Variants in MYO3A observed in about 807,000 individuals in gnomAD.
The protein encoded by MYO3A is myosin IIIA.
MYO3A carries 180 observed loss-of-function variants against 192.7 expected under a neutral mutation model. The observed-to-expected ratio is 0.93, with a 90% CI of 0.83 to 1.06. MYO3A has a LOEUF of 1.06. Among genes scored for constraint, MYO3A ranks in the 50% least tolerant of loss-of-function variants. The pLI is 0.00. For missense variants in MYO3A, 1,896 were observed against 1,905.0 expected, an observed-to-expected ratio of 1.00 and a Z score of 0.09; for synonymous variants, 628 against 645.3, an observed-to-expected ratio of 0.97 and a Z score of 0.41.
chr10:26,041,351 CTGTTGTTGT>C (rs56389979), intron 10 of MYO3A, among the ~76,000 whole-genome samples: 2 of 151,508 alleles, frequency 1.3e-5, no homozygotes, highest in African/African-American at 4.8e-5. Context: ...GTTGTTGTTG[CTGTTGTTGT>C]TGTTTTTATC....
intron 10 of MYO3A, among the ~76,000 whole-genome samples, chr10:26,056,661 C>G (rs17666328): frequency 0.47 from 71,824 of 151,902 alleles, 17,826 homozygotes; most frequent in Middle Eastern, 0.59. Context: ...CTGAGAAATA[C>G]AGATGTCCTA....
At chr10:26,066,400 C>G (rs1186857233) in intron 10 of MYO3A, among the ~76,000 whole-genome samples, 2 of 152,136 alleles carry the variant, frequency 1.3e-5, no homozygotes, top group Non-Finnish European at 2.9e-5. Flanking sequence ...GTGTTTATCT[C>G]AGCAACTTCT....
intron 18 of MYO3A, among the ~76,000 whole-genome samples, chr10:26,122,711 CCCTCCTTCTCCTTCT>C (rs921097994): frequency 7.2e-5 from 11 of 152,094 alleles, no homozygotes; most frequent in Admixed American, 2.0e-4. Context: ...CTCCCTCTCC[CCCTCCTTCTCCTTCT>C]CCTCCTTCTC....
intron 17 of MYO3A, among the ~76,000 whole-genome samples, chr10:26,098,131 T>G (rs1011033166): frequency 6.6e-6 from 1 of 152,218 alleles, no homozygotes; most frequent in Non-Finnish European, 1.5e-5. Context: ...AGATGGTATC[T>G]CATTGTGGTT....
chr10:26,135,430 C>T (rs895823444), intron 20 of MYO3A, among the ~76,000 whole-genome samples: 5 of 151,870 alleles, frequency 3.3e-5, no homozygotes, highest in African/African-American at 1.2e-4. Context: ...AAGCATAAGT[C>T]AGTCTTAACA....
At chr10:26,170,599 C>A in intron 29 of MYO3A, 60 bp downstream of exon 29, 1 of 1,535,638 alleles carries the variant, frequency 6.5e-7, no homozygotes, top group South Asian at 1.2e-5. Context: ...TCTGTAAGGT[C>A]ATAGAATAAT....
At chr10:25,953,101 T>C (rs992693427) in intron 3 of MYO3A, among the ~76,000 whole-genome samples, 9 of 151,920 alleles carry the variant, frequency 5.9e-5, no homozygotes, top group African/African-American at 2.2e-4. Flanking sequence ...TGAAAGCAAC[T>C]GCTCCAATTA....
Position 26,174,211 on chromosome 10 carries a change from T to C in MYO3A, c.3947T>C (p.Ile1316Thr). Reference protein sequence around the residue: ...KTSVVTQRAPICSQEEGRGRL... With the variant: ...KTSVVTQRAPTCSQEEGRGRL... The stretch of plus-strand genomic sequence containing the variant: ...TCTGTAGTTACCCAGCGTGCACCGA[T>C]ATGCAGCCAGGAGGAAGGCAGAGGC... The change falls in exon 30 of 35, where the codon ATA (isoleucine) becomes ACA (threonine). Residue 1316 changes from isoleucine (I) to threonine (T), a missense_variant. By Grantham distance (89) the Ile-to-Thr change is moderately conservative. Coordinates refer to ENST00000642920, the MANE Select transcript of MYO3A (RefSeq NM_017433.5). 6.2e-7 allele frequency: 1 copy of C among 1,614,128 alleles called. No individual in the cohort carries two copies. The highest frequency in any genetic ancestry group is 8.5e-7 in the Non-Finnish European group (1 of 1,180,026).
At chr10:26,048,357 T>G (rs1429007092) in intron 10 of MYO3A, among the ~76,000 whole-genome samples, 1 of 141,420 alleles carries the variant, frequency 7.1e-6, no homozygotes, top group South Asian at 2.1e-4. Flanking sequence ...TACAGCTTGT[T>G]TTTTTTTTTT....
chr10:26,170,629 C>T, intron 29 of MYO3A, 90 bp downstream of exon 29: 1 of 1,408,700 alleles, frequency 7.1e-7, no homozygotes, highest in East Asian at 2.5e-5. Context: ...CTTTCTTGTA[C>T]TAGTCAGGTT....
chr10:26,083,221 G>C (rs1836084020), intron 14 of MYO3A, among the ~76,000 whole-genome samples: 2 of 152,142 alleles, frequency 1.3e-5, no homozygotes, highest in African/African-American at 4.8e-5. Context: ...CAAACTGAGA[G>C]GGCTACTAAG....
At chr10:26,201,393 A>G in intron 33 of MYO3A, 88 bp downstream of exon 33, 1 of 1,063,838 alleles carries the variant, frequency 9.4e-7, no homozygotes, top group Non-Finnish European at 1.4e-6. Flanking sequence ...AAAATCACCT[A>G]TTTTAGGCCA....
intron 31 of MYO3A, among the ~76,000 whole-genome samples, chr10:26,184,689 T>C (rs1842779818): frequency 6.6e-6 from 1 of 152,184 alleles, no homozygotes; most frequent in South Asian, 2.1e-4. Context: ...TTAATGACAT[T>C]ATTACCACAA....
chr10:26,029,136 G>T (rs770661616), intron 10 of MYO3A, among the ~76,000 whole-genome samples: 13 of 152,154 alleles, frequency 8.5e-5, no homozygotes, highest in Non-Finnish European at 1.8e-4. Flanking sequence ...TCGTGAGAAT[G>T]GTTGCACTAC....
At chr10:25,998,110 A>G (rs968576912) in intron 6 of MYO3A, among the ~76,000 whole-genome samples, 5 of 152,150 alleles carry the variant, frequency 3.3e-5, no homozygotes, top group Admixed American at 3.3e-4. Flanking sequence ...GTCTTTATAG[A>G]TAAAGATACT....
At chr10:26,202,203 A>G (rs1268704448) in intron 33 of MYO3A, among the ~76,000 whole-genome samples, 7 of 152,254 alleles carry the variant, frequency 4.6e-5, no homozygotes, top group Non-Finnish European at 7.3e-5. Flanking sequence ...GAGCGTTTCT[A>G]TTAAGCATGA....
At chr10:26,129,474 C>T (rs192757035) in intron 20 of MYO3A, among the ~76,000 whole-genome samples, 23 of 152,170 alleles carry the variant, frequency 1.5e-4, no homozygotes, top group African/African-American at 3.1e-4. Context: ...CCTAGATATG[C>T]GAAGAAATAT....
chr10:26,186,649 AATTCAGGTGCCTTCCC>A (rs1842883694), intron 31 of MYO3A, among the ~76,000 whole-genome samples: 1 of 152,112 alleles, frequency 6.6e-6, no homozygotes, highest in East Asian at 1.9e-4. Flanking sequence ...TCTGCTAGTA[AATTCAGGTGCCTTCCC>A]ATGCTTATTT....
At chr10:26,202,907 T>G in intron 33 of MYO3A, 57 bp from the exon 34 acceptor site, 1 of 1,590,526 alleles carries the variant, frequency 6.3e-7, no homozygotes, top group Non-Finnish European at 8.6e-7. Context: ...ATCCTGTAAG[T>G]TTAAGTGAGT....
Sources: gnomAD v4.1 joint callset for allele counts (sites outside exome capture counted in the v4.1 genomes callset) on GRCh38, gnomAD v4.1.1 for gene constraint, MANE v1.5 for transcripts, NCBI Gene and HGNC (gene_info 2026-07-23, HGNC 2026-07-21) for gene names.